The following RBFOX1 variants were observed in gnomAD, a reference collection of about 807,000 sequenced individuals.
RBFOX1 encodes RNA binding fox-1 homolog 1, also known as RNA binding protein fox-1 homolog 1.
A neutral mutation model predicts 57.7 loss-of-function variants in RBFOX1; 8 were observed. The ratio of observed to expected loss-of-function variants is 0.14; its 90% CI spans 0.08 to 0.25. RBFOX1 has a LOEUF of 0.25. Among genes scored for constraint, RBFOX1 ranks in the 10% least tolerant of loss-of-function variants. The pLI is 1.00. For synonymous variants in RBFOX1, 326 were observed against 222.4 expected, an observed-to-expected ratio of 1.47 and a Z score of -4.15; for missense variants, 611 against 548.5, an observed-to-expected ratio of 1.11 and a Z score of -1.14.
intron 5 of RBFOX1, among the ~76,000 whole-genome samples, chr16:7,545,975 A>G (rs1054871584): frequency 6.6e-6 from 1 of 151,252 alleles, no homozygotes; most frequent in Non-Finnish European, 1.5e-5. Flanking sequence ...TCGTAAAACT[A>G]GAAGCACTTA....
chr16:6,301,129 A>G (rs2078772781), intron 1 of RBFOX1, among the ~76,000 whole-genome samples: 2 of 152,216 alleles, frequency 1.3e-5, no homozygotes, highest in African/African-American at 4.8e-5. Context: ...TTTGGAATGT[A>G]GATTTTTTTC....
intron 3 of RBFOX1, among the ~76,000 whole-genome samples, chr16:6,710,149 A>G (rs1447595205): frequency 2.6e-5 from 4 of 152,160 alleles, no homozygotes; most frequent in African/African-American, 4.8e-5. Context: ...GTCCAAATCC[A>G]AGCCGTGTGT....
chr16:5,318,599 A>C (rs552583548), intron 1 of RBFOX1, among the ~76,000 whole-genome samples: 1 of 152,126 alleles, frequency 6.6e-6, no homozygotes, highest in African/African-American at 2.4e-5. Context: ...AAACAAACAA[A>C]AAAACAAAAC....
intron 3 of RBFOX1, among the ~76,000 whole-genome samples, chr16:6,797,190 G>A (rs72766736): frequency 6.6e-6 from 1 of 152,284 alleles, no homozygotes; most frequent in Non-Finnish European, 1.5e-5. Context: ...ATCAGTCTGA[G>A]TCGCCTATGT....
At chr16:6,008,745 A>G (rs1346888164) in intron 4 of RBFOX1, among the ~76,000 whole-genome samples, 1 of 152,224 alleles carries the variant, frequency 6.6e-6, no homozygotes, top group East Asian at 1.9e-4. Flanking sequence ...GTGTGTTCAG[A>G]TAAGTACCTA....
intron 1 of RBFOX1, among the ~76,000 whole-genome samples, chr16:5,325,117 C>G (rs1222225914): frequency 6.6e-6 from 1 of 152,194 alleles, no homozygotes; most frequent in African/African-American, 2.4e-5. Flanking sequence ...TACACACTCA[C>G]TGACGCTTAA....
chr16:6,739,411 A>G (rs943382173), intron 3 of RBFOX1, among the ~76,000 whole-genome samples: 1 of 152,082 alleles, frequency 6.6e-6, no homozygotes, highest in Non-Finnish European at 1.5e-5. Flanking sequence ...AATTCACCCA[A>G]TATGCAATAG....
chr16:7,519,032 A>C (rs2076985713), intron 5 of RBFOX1, among the ~76,000 whole-genome samples: 1 of 152,222 alleles, frequency 6.6e-6, no homozygotes, highest in Non-Finnish European at 1.5e-5. Context: ...CTAAATAAAC[A>C]AAAATAAAGT....
At chr16:5,923,604 C>A (rs978271159) in intron 4 of RBFOX1, among the ~76,000 whole-genome samples, 2 of 139,674 alleles carry the variant, frequency 1.4e-5, no homozygotes, top group Non-Finnish European at 3.0e-5. Context: ...TGCAGTGGTG[C>A]GATCTTGGCT....
chr16:7,011,841 G>C (rs183081601), intron 3 of RBFOX1, among the ~76,000 whole-genome samples: 1 of 152,282 alleles, frequency 6.6e-6, no homozygotes, highest in South Asian at 2.1e-4. Context: ...AGTGATATCA[G>C]TCATGAGAAA....
chr16:6,900,106 C>G (rs13332228), intron 3 of RBFOX1, among the ~76,000 whole-genome samples: 78,111 of 151,958 alleles, frequency 0.51, 22,458 homozygotes, highest in African/African-American at 0.79. Flanking sequence ...GCACATGAAA[C>G]AAAGGTTTAT....
At chr16:6,343,154 C>A (rs943249501) in intron 2 of RBFOX1, among the ~76,000 whole-genome samples, 1 of 152,260 alleles carries the variant, frequency 6.6e-6, no homozygotes, top group Middle Eastern at 3.4e-3. Flanking sequence ...CCTCTCTGTT[C>A]TTTTCACAAA....
intron 3 of RBFOX1, among the ~76,000 whole-genome samples, chr16:5,612,158 C>G (rs1034468377): frequency 2.0e-5 from 3 of 151,786 alleles, no homozygotes; most frequent in Non-Finnish European, 2.9e-5. Context: ...CGTCTACTCT[C>G]CCACCTACCC....
intron 3 of RBFOX1, among the ~76,000 whole-genome samples, chr16:6,778,034 G>T (rs1226144326): frequency 6.6e-6 from 1 of 152,118 alleles, no homozygotes; most frequent in African/African-American, 2.4e-5. Flanking sequence ...AACTCATAAG[G>T]TGTGGGATAA....
At chr16:5,850,848 A>C (rs1307038679) in intron 3 of RBFOX1, among the ~76,000 whole-genome samples, 2 of 152,230 alleles carry the variant, frequency 1.3e-5, no homozygotes, top group Admixed American at 1.3e-4. Context: ...CCTTGCAGGC[A>C]GGGAGACAGG....
At chr16:5,726,712 A>G (rs2052165710) in intron 3 of RBFOX1, among the ~76,000 whole-genome samples, 1 of 152,266 alleles carries the variant, frequency 6.6e-6, no homozygotes, top group Admixed American at 6.5e-5. Context: ...TATAGGTATT[A>G]TGAACAATAA....
chr16:7,463,228 G>C (rs1412916335), intron 4 of RBFOX1, among the ~76,000 whole-genome samples: 3 of 152,144 alleles, frequency 2.0e-5, no homozygotes, highest in Non-Finnish European at 2.9e-5. Flanking sequence ...ATCTAGCCAG[G>C]CATGCTGGCT....
At chr16:6,421,139 C>T (rs979782927) in intron 2 of RBFOX1, among the ~76,000 whole-genome samples, 2 of 152,140 alleles carry the variant, frequency 1.3e-5, no homozygotes, top group African/African-American at 4.8e-5. Context: ...GTGGTGTAAA[C>T]AAGAGAGGCC....
At chr16:6,001,023 G>A (rs2060590481) in intron 4 of RBFOX1, among the ~76,000 whole-genome samples, 2 of 152,128 alleles carry the variant, frequency 1.3e-5, no homozygotes, top group Non-Finnish European at 2.9e-5. Context: ...ATGAGTGGGT[G>A]AGTGGATTGG....
Sources: gnomAD v4.1 joint callset for allele counts (sites outside exome capture counted in the v4.1 genomes callset) on GRCh38, gnomAD v4.1.1 for gene constraint, MANE v1.5 for transcripts, NCBI Gene and HGNC (gene_info 2026-07-23, HGNC 2026-07-21) for gene names.